Variants in ANKRD10 observed in about 807,000 individuals in gnomAD.
The protein encoded by ANKRD10 is ankyrin repeat domain-containing protein 10.
A neutral mutation model predicts 27.0 loss-of-function variants in ANKRD10; 14 were observed. The observed-to-expected ratio is 0.52, with a 90% CI of 0.34 to 0.81. ANKRD10 has a LOEUF of 0.81. Among genes scored for constraint, ANKRD10 ranks in the 40% least tolerant of loss-of-function variants. ANKRD10 has a pLI of 0.01. For missense variants in ANKRD10, 493 were observed against 544.0 expected (o/e 0.91, Z 0.93); for synonymous variants, 250 against 224.5 (o/e 1.11, Z -1.01).
Position 110,914,713 on chromosome 13 carries a change from G to T in ANKRD10, c.210+12C>A, listed in dbSNP as rs565936998. Reference sequence around the variant, plus strand: ...GCCGGGGAAAATGGCGCCTTAAAGCGTTCGCACCCACCTTGCCGAAATGCG... The same window carrying T: ...GCCGGGGAAAATGGCGCCTTAAAGCTTTCGCACCCACCTTGCCGAAATGCG... On this transcript the variant is annotated intron_variant, in intron 1 of 5. Coordinates refer to ENST00000267339, the MANE Select transcript of ANKRD10 (RefSeq NM_017664.4). The T allele has an allele frequency of 5.7e-5, 90 of 1,567,324 alleles. No individual in the cohort carries two copies. The East Asian group carries it at 2.1e-3, about 36-fold the overall frequency.
chr13:110,902,096 G>A (rs992234863), intron 3 of ANKRD10, among the ~76,000 whole-genome samples: 15 of 148,120 alleles, frequency 1.0e-4, no homozygotes, highest in Admixed American at 2.0e-4. Context: ...AGGATGTGAG[G>A]ATGACTAGAA....
intron 3 of ANKRD10, among the ~76,000 whole-genome samples, chr13:110,902,222 T>C (rs2065405465): frequency 6.6e-6 from 1 of 152,090 alleles, no homozygotes; most frequent in South Asian, 2.1e-4. Flanking sequence ...AAACCACGAA[T>C]TTCAAAATGA....
At chr13:110,904,169 T>C (rs1384545768) in intron 3 of ANKRD10, 1 of 152,214 alleles carries the variant, frequency 6.6e-6, no homozygotes, top group African/African-American at 2.4e-5. Flanking sequence ...ATAATTGTTT[T>C]TGGCTAGGTA....
At chr13:110,910,399 T>C (rs1024060552) in intron 2 of ANKRD10, among the ~76,000 whole-genome samples, 11 of 152,210 alleles carry the variant, frequency 7.2e-5, no homozygotes, top group African/African-American at 2.7e-4. Flanking sequence ...TGGATCAGTT[T>C]ATCACACAAC....
intron 5 of ANKRD10, among the ~76,000 whole-genome samples, chr13:110,882,859 T>G (rs953029854): frequency 1.3e-5 from 2 of 152,164 alleles, no homozygotes; most frequent in African/African-American, 4.8e-5. Flanking sequence ...AGTGAAGAAT[T>G]TGCATAAAGA....
Position 110,883,926 on chromosome 13 carries a change from CTAA to C in ANKRD10, c.692-136_692-134del, listed in dbSNP as rs2064866555. 3 of 1,040,916 alleles carry C rather than the reference CTAA, an allele frequency of 2.9e-6. No individual in the cohort carries two copies. In the Admixed American group the frequency reaches 8.7e-5, roughly 30 times the overall value. The allele number at this position is 1,040,916 out of a possible 1,614,324, so 64.5% of individuals were successfully genotyped here. ...CACATAAAAAAAAATCGACAGGTCA[CTAA>C]TGAGCTTAGCACACAACTGAAAAAC... On this transcript the variant is annotated intron_variant, in intron 4 of 5. Transcript: ENST00000267339.
intron 4 of ANKRD10, among the ~76,000 whole-genome samples, chr13:110,884,378 G>A (rs1173770650): frequency 3.3e-5 from 5 of 152,154 alleles, no homozygotes; most frequent in African/African-American, 1.2e-4. Flanking sequence ...TCACTTCCAA[G>A]ATGACCATTC....
rs780141430 is a variant in ANKRD10, at chr13:110,906,162, A to G, written c.364-38T>C. ...AAAGCAAAATATACACATACTTAGAACAAAACTTCTGACATTTTGGAAGTA... is the reference window on the plus strand; with the variant it reads ...AAAGCAAAATATACACATACTTAGAGCAAAACTTCTGACATTTTGGAAGTA... On this transcript the variant is annotated intron_variant, in intron 2 of 5. Coordinates refer to ENST00000267339, the MANE Select transcript of ANKRD10 (RefSeq NM_017664.4). 3 of 1,493,834 alleles carry G rather than the reference A, an allele frequency of 2.0e-6. No homozygotes were observed. In the East Asian group the frequency reaches 7.1e-5, roughly 35 times the overall value. 92.5% of individuals were successfully genotyped at this position (1,493,834 alleles called of 1,614,324 possible).
At chr13:110,913,090 A>T (rs80047635) in intron 1 of ANKRD10, among the ~76,000 whole-genome samples, 5,638 of 152,346 alleles carry the variant, frequency 0.037, 258 homozygotes, top group African/African-American at 0.1. Flanking sequence ...ACCATTTTAA[A>T]GTAACTATTT....
Position 110,879,987 on chromosome 13 carries a change from C to T in ANKRD10, c.913G>A (p.Gly305Arg). ...MESRNGQCLT[G>R]TNGISSGLAP... The stretch of plus-strand genomic sequence containing the variant: ...AATCCACTGCTAATTCCGTTAGTTC[C>T]TGTCAAGCACTGGCCATTCCTGCTT... The change falls in exon 6 of 6, where the codon GGA becomes AGA. Residue 305 changes from glycine to arginine, a missense_variant. Gly to Arg is a moderately radical substitution (Grantham distance 125). Transcript: ENST00000267339. 2 of 1,614,230 alleles carry T rather than the reference C, an allele frequency of 1.2e-6. No homozygotes were observed. Among genetic ancestry groups the T allele is most frequent in the Non-Finnish European group, 1.7e-6 (2 of 1,180,034 alleles).
At chr13:110,896,504 TCTA>T (rs1279420019) in intron 3 of ANKRD10, among the ~76,000 whole-genome samples, 6 of 152,206 alleles carry the variant, frequency 3.9e-5, no homozygotes, top group African/African-American at 9.7e-5. Flanking sequence ...ATTCATCATC[TCTA>T]CTATCCCTGC....
Position 110,882,818 on chromosome 13 carries a change from C to T in ANKRD10, c.787+880G>A, listed in dbSNP as rs1471174539. Among the ~76,000 whole-genome samples the T allele has an allele frequency of 2.6e-5, 4 of 152,042 alleles. No homozygotes were observed. The East Asian group carries it at 7.7e-4, about 29-fold the overall frequency. On this transcript the variant is annotated intron_variant, in intron 5 of 5. Coordinates refer to ENST00000267339, the MANE Select transcript of ANKRD10 (RefSeq NM_017664.4). ...ATTTTTTTCATGTGGGTTTGGGAAA[C>T]AATATACATACTCTTCTTTTTTTCA...
At chr13:110,900,807 C>A in intron 3 of ANKRD10, 1 of 638,098 alleles carries the variant, frequency 1.6e-6, no homozygotes, top group Non-Finnish European at 2.5e-6. Flanking sequence ...CACATATTTG[C>A]AGGCAACATT....
intron 3 of ANKRD10, chr13:110,894,416 A>AAAAAAAAAC (rs2065171205): frequency 6.3e-6 from 2 of 317,564 alleles, no homozygotes; most frequent in Non-Finnish European, 1.1e-5. Context: ...AAAAAAAAAA[A>AAAAAAAAAC]AAAAAAAAAA....
At chr13:110,885,340 C>G (rs1312983198) in intron 4 of ANKRD10, among the ~76,000 whole-genome samples, 2 of 152,046 alleles carry the variant, frequency 1.3e-5, no homozygotes, top group African/African-American at 2.4e-5. Flanking sequence ...ATCACGAGGT[C>G]AAGAGATCGA....
At chr13:110,906,896 G>A (rs2138881402) in intron 2 of ANKRD10, among the ~76,000 whole-genome samples, 1 of 151,946 alleles carries the variant, frequency 6.6e-6, no homozygotes, top group East Asian at 1.9e-4. Flanking sequence ...GAAAGCCACT[G>A]TGAACATCAG....
At chr13:110,892,842 C>T (rs2065118511) in intron 4 of ANKRD10, 186 bp downstream of exon 4, 2 of 1,373,964 alleles carry the variant, frequency 1.5e-6, no homozygotes, top group Non-Finnish European at 1.9e-6. Context: ...CTCACATTCC[C>T]TTTTGTTAAG....
chr13:110,911,911 T>C (rs1200950836), intron 1 of ANKRD10: 1 of 152,256 alleles, frequency 6.6e-6, no homozygotes, highest in African/African-American at 2.4e-5. Context: ...GAATACTCAT[T>C]GAATAATCAA....
chr13:110,880,163 A>G, intron 5 of ANKRD10, 51 bp from the exon 6 acceptor site: 1 of 1,474,308 alleles, frequency 6.8e-7, no homozygotes, highest in East Asian at 2.3e-5. Flanking sequence ...ATGAGGGAGG[A>G]GAAACTATAA....
Sources: allele counts gnomAD v4.1 joint callset (sites outside exome capture counted in the v4.1 genomes callset), GRCh38; gene constraint gnomAD v4.1.1; transcripts MANE v1.5; gene names NCBI Gene and HGNC (gene_info 2026-07-23, HGNC 2026-07-21).